The following CCDC186 variants were observed in gnomAD, a reference collection of about 807,000 sequenced individuals.
The protein encoded by CCDC186 is coiled-coil domain-containing protein 186.
Under a neutral mutation model 113.7 loss-of-function variants are expected in CCDC186, and 49 were observed. The observed-to-expected ratio is 0.43, with a 90% CI of 0.34 to 0.55. The LOEUF (loss-of-function observed/expected upper bound fraction) is 0.55. CCDC186 is among the 20% of genes least tolerant of loss of function. The probability of loss-of-function intolerance (pLI) is 0.02; values close to 1 mark genes in which losing one functional copy is unlikely to be tolerated. For synonymous variants in CCDC186, 355 were observed against 345.8 expected (o/e 1.03, Z -0.30); for missense variants, 890 against 1,011.1 (o/e 0.88, Z 1.62).
intron 3 of CCDC186, among the ~76,000 whole-genome samples, chr10:114,152,146 G>C (rs1262183262): frequency 6.6e-6 from 1 of 152,092 alleles, no homozygotes; most frequent in African/African-American, 2.4e-5. Context: ...TTCAAGACCA[G>C]CATGGTCAAC....
chr10:114,133,819 G>C (rs2031169444), intron 10 of CCDC186, among the ~76,000 whole-genome samples: 1 of 152,140 alleles, frequency 6.6e-6, no homozygotes, highest in Non-Finnish European at 1.5e-5. Flanking sequence ...AGGAAGTGAG[G>C]AAACGGAGAA....
chr10:114,140,679 C>T (rs934439098), intron 6 of CCDC186, among the ~76,000 whole-genome samples: 1 of 152,196 alleles, frequency 6.6e-6, no homozygotes, highest in African/African-American at 2.4e-5. Flanking sequence ...TTCAAGTACA[C>T]TAATCTTGTC....
chr10:114,143,366 T>C (rs2031537653), intron 6 of CCDC186, among the ~76,000 whole-genome samples: 1 of 152,254 alleles, frequency 6.6e-6, no homozygotes, highest in African/African-American at 2.4e-5. Context: ...CCAAGTATGA[T>C]GTTCTGATCT....
intron 4 of CCDC186, among the ~76,000 whole-genome samples, chr10:114,150,856 A>C: frequency 6.6e-6 from 1 of 152,082 alleles, no homozygotes; most frequent in East Asian, 1.9e-4. Context: ...TCACCATGTT[A>C]GCCAGGCTGG....
intron 10 of CCDC186, among the ~76,000 whole-genome samples, chr10:114,133,936 G>A (rs995070341): frequency 6.6e-6 from 1 of 152,170 alleles, no homozygotes; most frequent in Non-Finnish European, 1.5e-5. Flanking sequence ...ATGTTTAAAT[G>A]TAGAAAGAAA....
chr10:114,163,791 C>T (rs531761564), intron 1 of CCDC186, among the ~76,000 whole-genome samples: 29 of 152,132 alleles, frequency 1.9e-4, no homozygotes, highest in African/African-American at 7.0e-4. Flanking sequence ...AAACAACGCA[C>T]ATTAAAGAAA....
intron 1 of CCDC186, among the ~76,000 whole-genome samples, chr10:114,171,475 C>T (rs1409485017): frequency 6.6e-6 from 1 of 152,086 alleles, no homozygotes; most frequent in African/African-American, 2.4e-5. Context: ...TGCTTGAGAC[C>T]AGGAGTTCAA....
intron 3 of CCDC186, among the ~76,000 whole-genome samples, chr10:114,154,533 T>C (rs2031952519): frequency 6.6e-6 from 1 of 152,082 alleles, no homozygotes; most frequent in African/African-American, 2.4e-5. Context: ...AAGTAGAGAC[T>C]GAATTAGCAT....
In CCDC186 at chr10:114,127,818, C is replaced by A. The variant is rs895597383; in HGVS notation, c.2183-147G>T. On this transcript the variant is annotated intron_variant, in intron 13 of 15. Coordinates refer to ENST00000369287, the MANE Select transcript of CCDC186 (RefSeq NM_018017.4). ...AACACAGGTCAACGTGGCTGAGGTT[C>A]TGGTTTCTGAATATACTGGTGACAG... The A allele has an allele frequency of 4.1e-6, 3 of 732,870 alleles. No homozygotes were observed. The African/African-American group carries it at 5.4e-5, about 13-fold the overall frequency. The allele number at this position is 732,870 out of a possible 1,614,324, so 45.4% of individuals were successfully genotyped here.
rs547729333 is a variant in CCDC186 at position 114,165,087 on chromosome 10, TG to T, written c.-61-1759del. ...GTAAGAAAGGAAAAGTAGACCAGCTTGTTTGCTAAATATGCTAATTTCTAGA... is the reference window on the plus strand; with the variant it reads ...GTAAGAAAGGAAAAGTAGACCAGCTTTTTGCTAAATATGCTAATTTCTAGA... On this transcript the variant is annotated intron_variant, in intron 1 of 15. Coordinates refer to ENST00000369287, the MANE Select transcript of CCDC186 (RefSeq NM_018017.4). Among the ~76,000 whole-genome samples the T allele has an allele frequency of 7.9e-5, 12 of 152,356 alleles. No homozygotes were observed. In the East Asian group the frequency reaches 2.1e-3, roughly 27 times the overall value.
Position 114,124,215 on chromosome 10 carries a change from TATA to T in CCDC186, c.*925_*927del, listed in dbSNP as rs2030816999. 6.6e-6 allele frequency: 1 copy of T among 152,198 alleles called. No individual in the cohort carries two copies. Among genetic ancestry groups the T allele is most frequent in the South Asian group, 2.1e-4 (1 of 4,832 alleles). 9.4% of individuals were successfully genotyped at this position (152,198 alleles called of 1,614,324 possible). On this transcript the variant is annotated 3_prime_UTR_variant, in exon 16 of 16. Transcript: ENST00000369287. ...TGGGGGAACTGTATGATCACTCCAC[TATA>T]ATACATAATTAATATATCCATGGTA... is the stretch of plus-strand genomic sequence containing the variant.
chr10:114,172,133 A>G (rs541203464), intron 1 of CCDC186, among the ~76,000 whole-genome samples: 3 of 148,072 alleles, frequency 2.0e-5, no homozygotes, highest in Admixed American at 6.7e-5. Flanking sequence ...AAGTTTTACT[A>G]AAAGAAAAAA....
At chr10:114,147,356 T>A (rs1202355432) in intron 4 of CCDC186, among the ~76,000 whole-genome samples, 2 of 151,502 alleles carry the variant, frequency 1.3e-5, no homozygotes, top group Non-Finnish European at 2.9e-5. Flanking sequence ...AATACTTACA[T>A]CCCCTGGGAG....
Position 114,145,666 on chromosome 10 carries a change from T to C in CCDC186, c.984A>G (p.Glu328=). ...TAAGTTTTTTCTCAAGTGTCTCTTT[T>C]TCCTTTCGAAGATCTAAAGATTCCT... ...GEKESLDLRK[E]KETLEKKLRD... is the part of the protein sequence containing the mutation. Residue 328 remains glutamate (E), a synonymous_variant, in exon 5 of 16, where the codon GAA becomes GAG. Coordinates refer to ENST00000369287, the MANE Select transcript of CCDC186 (RefSeq NM_018017.4). 2 of 1,613,282 alleles carry C rather than the reference T, an allele frequency of 1.2e-6. No homozygotes were observed. Among genetic ancestry groups the C allele is most frequent in the Non-Finnish European group, 1.7e-6 (2 of 1,179,850 alleles).
chr10:114,122,405 G>A lies in CCDC186; in HGVS notation c.*2738C>T, dbSNP rs1007967028. 1 of 152,158 alleles carries A rather than the reference G, an allele frequency of 6.6e-6. No homozygotes were observed. Among genetic ancestry groups the A allele is most frequent in the African/African-American group, 2.4e-5 (1 of 41,430 alleles). 9.4% of individuals were successfully genotyped at this position (152,158 alleles called of 1,614,324 possible). On this transcript the variant is annotated 3_prime_UTR_variant, in exon 16 of 16. Coordinates refer to ENST00000369287, the MANE Select transcript of CCDC186 (RefSeq NM_018017.4). ...AGTCCTTAAAACTAAACAGGCTAAA[G>A]TCTGAAGTGGTATGGGGAAAATGGA...
In CCDC186 at chr10:114,163,124, T is replaced by A; in HGVS notation, c.145A>T (p.Thr49Ser). The change falls in exon 2 of 16, where the codon ACT becomes TCT. Residue 49 changes from threonine to serine, a missense_variant. Coordinates refer to ENST00000369287, the MANE Select transcript of CCDC186 (RefSeq NM_018017.4). ...TTAGGTTGACATAAAGTTTTATCAG[T>A]GTTTAATGACAATAGTTTGGACTCA... is the stretch of plus-strand genomic sequence containing the variant. ...ENESKLLSLN[T>S]DKTLCQPNEH... is the part of the protein sequence containing the mutation. 1 of 1,613,980 alleles carries A rather than the reference T, an allele frequency of 6.2e-7. No individual in the cohort carries two copies. The highest frequency in any genetic ancestry group is 8.5e-7 in the Non-Finnish European group (1 of 1,179,956).
Position 114,122,979 on chromosome 10 carries a change from A to G in CCDC186, c.*2164T>C, listed in dbSNP as rs893653542. 1 of 152,222 alleles carries G rather than the reference A, an allele frequency of 6.6e-6. No individual in the cohort carries two copies. The highest frequency in any genetic ancestry group is 2.4e-5 in the African/African-American group (1 of 41,458). The allele number at this position is 152,222 out of a possible 1,614,324, so 9.4% of individuals were successfully genotyped here. A position where few individuals can be genotyped will look rare whatever the true frequency, so the allele number is the denominator to read the frequency against. ...GAGTGTGCATTTTTGTCTAAAATGT[A>G]TATACATTTTAAAGTGTATAGGCAT... On this transcript the variant is annotated 3_prime_UTR_variant, in exon 16 of 16. Coordinates refer to ENST00000369287, the MANE Select transcript of CCDC186 (RefSeq NM_018017.4).
At chr10:114,152,273 T>C (rs1337783372) in intron 3 of CCDC186, among the ~76,000 whole-genome samples, 3 of 151,904 alleles carry the variant, frequency 2.0e-5, no homozygotes, top group African/African-American at 4.8e-5. Context: ...GCCAAGGAGT[T>C]TGAGGCTACA....
intron 9 of CCDC186, 103 bp from the exon 10 acceptor site, chr10:114,135,158 C>T: frequency 8.7e-7 from 1 of 1,144,164 alleles, no homozygotes; most frequent in Non-Finnish European, 1.2e-6. Flanking sequence ...TCTAAAGCAC[C>T]ATTAACGTGA....
Sources: gnomAD v4.1 joint callset for allele counts (sites outside exome capture counted in the v4.1 genomes callset) on GRCh38, gnomAD v4.1.1 for gene constraint, MANE v1.5 for transcripts, NCBI Gene and HGNC (gene_info 2026-07-23, HGNC 2026-07-21) for gene names.